ADAMTS6: variants seen among roughly 807,000 people sequenced by gnomAD.
The protein encoded by ADAMTS6 is ADAM metallopeptidase with thrombospondin type 1 motif 6.
Under a neutral mutation model 144.3 loss-of-function variants are expected in ADAMTS6, and 23 were observed. The observed-to-expected ratio is 0.16, with a 90% confidence interval of 0.11 to 0.23. The LOEUF is 0.23. Ranked by LOEUF, ADAMTS6 falls within the 10% of genes least tolerant of loss-of-function variation. The pLI, the probability that ADAMTS6 is intolerant of heterozygous loss-of-function variation, is 1.00. For missense variants in ADAMTS6, 999 were observed against 1,379.6 expected, an observed-to-expected ratio of 0.72 and a Z score of 4.37; for synonymous variants, 444 against 457.5, an observed-to-expected ratio of 0.97 and a Z score of 0.38.
intron 22 of ADAMTS6, among the ~76,000 whole-genome samples, chr5:65,178,713 G>A (rs1194895513): frequency 1.3e-5 from 2 of 152,132 alleles, no homozygotes; most frequent in Non-Finnish European, 2.9e-5. Context: ...ACTAACCCTT[G>A]GGCAAAACCT....
chr5:65,334,007 A>AC, intron 8 of ADAMTS6, 35 bp downstream of exon 8: 2 of 1,255,404 alleles, frequency 1.6e-6, no homozygotes, highest in Non-Finnish European at 2.1e-6. Flanking sequence ...TAAAAAAAAA[A>AC]AAAAAAAAAA....
intron 14 of ADAMTS6, among the ~76,000 whole-genome samples, chr5:65,243,979 C>T (rs1038364214): frequency 5.9e-5 from 9 of 152,108 alleles, no homozygotes; most frequent in African/African-American, 2.2e-4. Context: ...AAAAAAGAAC[C>T]ATCTCAAGCA....
intron 22 of ADAMTS6, among the ~76,000 whole-genome samples, chr5:65,174,612 G>T (rs572481571): frequency 9.3e-4 from 142 of 152,308 alleles, no homozygotes; most frequent in African/African-American, 3.2e-3. Flanking sequence ...TGGAAGCGTG[G>T]CCTGATCACC....
intron 9 of ADAMTS6, among the ~76,000 whole-genome samples, chr5:65,327,024 T>C (rs1167811580): frequency 1.3e-5 from 2 of 151,924 alleles, no homozygotes; most frequent in Admixed American, 1.3e-4. Flanking sequence ...TGGTGGGAGG[T>C]ATTTGGGTAA....
At chr5:65,175,114 C>G (rs936935997) in intron 22 of ADAMTS6, among the ~76,000 whole-genome samples, 1 of 151,988 alleles carries the variant, frequency 6.6e-6, no homozygotes, top group African/African-American at 2.4e-5. Flanking sequence ...AGACCCCACA[C>G]CCCCCTCACC....
intron 11 of ADAMTS6, among the ~76,000 whole-genome samples, chr5:65,284,296 AC>A (rs941617111): frequency 2.0e-5 from 3 of 152,078 alleles, no homozygotes; most frequent in African/African-American, 4.8e-5. Context: ...TCTAGCAGTT[AC>A]CCTGACATCA....
intron 9 of ADAMTS6, among the ~76,000 whole-genome samples, chr5:65,309,922 C>T (rs1744322495): frequency 6.6e-6 from 1 of 152,144 alleles, no homozygotes; most frequent in Admixed American, 6.5e-5. Context: ...GCCTGGGCAA[C>T]TGATATGGTT....
chr5:65,424,241 A>G (rs1756315050), intron 7 of ADAMTS6, among the ~76,000 whole-genome samples: 2 of 152,212 alleles, frequency 1.3e-5, no homozygotes, highest in African/African-American at 4.8e-5. Flanking sequence ...TGAAAAGAGA[A>G]CAAATCAAAG....
At chr5:65,287,027 T>A (rs571766818) in intron 11 of ADAMTS6, among the ~76,000 whole-genome samples, 2 of 152,338 alleles carry the variant, frequency 1.3e-5, no homozygotes, top group African/African-American at 4.8e-5. Context: ...TACTGCTGTT[T>A]TATTTGCAAT....
At chr5:65,242,291 A>G in intron 14 of ADAMTS6, 85 bp from the exon 15 acceptor site, 1 of 915,090 alleles carries the variant, frequency 1.1e-6, no homozygotes, top group East Asian at 2.5e-5. Context: ...AACTCCATCA[A>G]ATTAACTCAC....
At chr5:65,452,573 A>G in intron 5 of ADAMTS6, 134 bp downstream of exon 5, 1 of 851,568 alleles carries the variant, frequency 1.2e-6, no homozygotes, top group Non-Finnish European at 1.8e-6. Context: ...GAACTGAAAC[A>G]TTACTAGACC....
intron 7 of ADAMTS6, among the ~76,000 whole-genome samples, chr5:65,375,664 G>A (rs1197823780): frequency 6.6e-6 from 1 of 152,052 alleles, no homozygotes; most frequent in African/African-American, 2.4e-5. Context: ...CTGTTGGTGG[G>A]ACTGTAAACT....
intron 21 of ADAMTS6, among the ~76,000 whole-genome samples, chr5:65,196,488 A>C (rs1285849882): frequency 7.9e-6 from 1 of 126,318 alleles, no homozygotes; most frequent in Non-Finnish European, 1.6e-5. Context: ...GCGCCACTGC[A>C]CTCCAGCCTG....
At position 65,452,882 on chromosome 5, in the gene ADAMTS6, T is replaced by C. The variant is rs773995308; in HGVS notation, c.668A>G (p.Asp223Gly). ...TRSGKPWWLN[D>G]TSTVSYSLPI... The stretch of plus-strand genomic sequence containing the variant: ...TAGTGAATAAGAAACAGTGGATGTG[T>C]CATTCAGCCACCAAGGTTTGCCACT... Residue 223 changes from aspartate (D) to glycine (G), a missense_variant, in exon 5 of 25, where the codon GAC becomes GGC. This residue lies in a region of ADAMTS6 where 252 missense variants were observed against 293.7 expected (regional missense o/e 0.86). Coordinates refer to ENST00000381055, the MANE Select transcript of ADAMTS6 (RefSeq NM_197941.4). 5 of 1,613,690 alleles carry C rather than the reference T, an allele frequency of 3.1e-6. No homozygotes were observed. The highest frequency in any genetic ancestry group is 2.2e-5 in the East Asian group (1 of 44,866).
chr5:65,198,005 T>C (rs16893486), intron 20 of ADAMTS6, among the ~76,000 whole-genome samples: 5,367 of 152,278 alleles, frequency 0.035, 333 homozygotes, highest in African/African-American at 0.12. Context: ...TAAATGTTCC[T>C]GATGAACAGA....
intron 10 of ADAMTS6, chr5:65,297,358 A>G: frequency 2.5e-6 from 1 of 397,958 alleles, no homozygotes; most frequent in South Asian, 1.9e-5. Context: ...AATAGTTTTC[A>G]GTTGAACATA....
intron 12 of ADAMTS6, among the ~76,000 whole-genome samples, chr5:65,264,905 GTAGT>G (rs905229819): frequency 2.0e-5 from 3 of 152,098 alleles, no homozygotes; most frequent in African/African-American, 7.2e-5. Context: ...TAATTAATAA[GTAGT>G]TAAATTAAGG....
intron 21 of ADAMTS6, 88 bp from the exon 22 acceptor site, chr5:65,188,308 G>C (rs181391048): frequency 8.2e-7 from 1 of 1,225,072 alleles, no homozygotes; most frequent in Admixed American, 1.8e-5. Flanking sequence ...TTCACTGATG[G>C]ACTACGAGCT....
chr5:65,364,147 C>A (rs1750081448), intron 7 of ADAMTS6, among the ~76,000 whole-genome samples: 1 of 152,128 alleles, frequency 6.6e-6, no homozygotes, highest in African/African-American at 2.4e-5. Context: ...TTGAAGGGGG[C>A]AAAACTACCC....
Sources: allele counts gnomAD v4.1 joint callset (sites outside exome capture counted in the v4.1 genomes callset), GRCh38; gene constraint gnomAD v4.1.1; regional missense constraint gnomAD v4.1.1; transcripts MANE v1.5; gene names NCBI Gene and HGNC (gene_info 2026-07-23, HGNC 2026-07-21).